Variants in PSMB7 observed in about 807,000 individuals in gnomAD.
PSMB7 encodes proteasome subunit beta type-7.
A neutral mutation model predicts 28.1 loss-of-function variants in PSMB7; 5 were observed. The observed-to-expected ratio is 0.18, with a 90% CI of 0.09 to 0.37. The LOEUF is 0.37. Among genes scored for constraint, PSMB7 ranks in the 10% least tolerant of loss-of-function variants. The pLI, the probability that PSMB7 is intolerant of heterozygous loss-of-function variation, is 1.00. For synonymous variants in PSMB7, 122 were observed against 123.7 expected, an observed-to-expected ratio of 0.99 and a Z score of 0.09; for missense variants, 275 against 346.2, an observed-to-expected ratio of 0.79 and a Z score of 1.63.
chr9:124,381,450 G>A (rs1322786329), intron 6 of PSMB7, among the ~76,000 whole-genome samples: 1 of 152,154 alleles, frequency 6.6e-6, no homozygotes, highest in Non-Finnish European at 1.5e-5. Flanking sequence ...TTACTGTCCT[G>A]GCAACCCATT....
intron 6 of PSMB7, among the ~76,000 whole-genome samples, chr9:124,382,151 G>A (rs1288903127): frequency 2.9e-5 from 4 of 138,214 alleles, no homozygotes; most frequent in South Asian, 5.2e-4. Context: ...TCATGCCACC[G>A]CACTCCAGCC....
intron 4 of PSMB7, among the ~76,000 whole-genome samples, chr9:124,405,776 A>C (rs1235788992): frequency 6.6e-6 from 1 of 152,076 alleles, no homozygotes; most frequent in African/African-American, 2.4e-5. Context: ...CAACCTCCCC[A>C]GGCTCAAGCA....
chr9:124,389,824 G>A (rs757644885), intron 5 of PSMB7, among the ~76,000 whole-genome samples: 2 of 152,094 alleles, frequency 1.3e-5, no homozygotes, highest in Non-Finnish European at 1.5e-5. Context: ...CATCTGCTGC[G>A]CCCCAGGAGA....
Position 124,353,681 on chromosome 9 carries a change from T to C in PSMB7, c.751A>G (p.Thr251Ala), listed in dbSNP as rs1438045307. The C allele has an allele frequency of 6.2e-7, 1 of 1,613,938 alleles. No individual in the cohort carries two copies. The highest frequency in any genetic ancestry group is 1.7e-4 in the Middle Eastern group (1 of 6,060). The change falls in exon 8 of 8, where the codon ACT becomes GCT. Residue 251 changes from threonine (T) to alanine (A), a missense_variant. Thr to Ala is a moderately conservative substitution (Grantham distance 58, BLOSUM62 0). Coordinates refer to ENST00000259457, the MANE Select transcript of PSMB7 (RefSeq NM_002799.4). ...RLGRYRCEKG[T>A]TAVLTEKITP... is the part of the protein sequence containing the mutation. Reference sequence around the variant, plus strand: ...ATTTTCTCAGTGAGGACTGCAGTAGTCCCTTTCTCACACCTGTACCGGCCA... The same window carrying C: ...ATTTTCTCAGTGAGGACTGCAGTAGCCCCTTTCTCACACCTGTACCGGCCA...
At chr9:124,382,276 C>T (rs1386736785) in intron 6 of PSMB7, among the ~76,000 whole-genome samples, 4 of 120,098 alleles carry the variant, frequency 3.3e-5, no homozygotes, top group African/African-American at 9.5e-5. Context: ...GGTATGATCT[C>T]GGCTCACTGC....
intron 5 of PSMB7, among the ~76,000 whole-genome samples, chr9:124,401,403 A>G (rs1418670545): frequency 6.6e-6 from 1 of 152,250 alleles, no homozygotes; most frequent in Non-Finnish European, 1.5e-5. Context: ...TCTCCCTCAC[A>G]AGACTATAGG....
intron 6 of PSMB7, among the ~76,000 whole-genome samples, chr9:124,373,675 A>G (rs1830583407): frequency 6.6e-6 from 1 of 152,214 alleles, no homozygotes; most frequent in South Asian, 2.1e-4. Context: ...ATAAGATACC[A>G]AGTCACACAC....
Position 124,405,401 on chromosome 9 carries a change from A to C in PSMB7, c.427T>G (p.Leu143Val). The C allele has an allele frequency of 1.2e-6, 2 of 1,613,434 alleles. No homozygotes were observed. The highest frequency in any genetic ancestry group is 1.7e-6 in the Non-Finnish European group (2 of 1,179,412). Reference protein sequence around the residue: ...YQGYIGAALVLGGVDVTGPHL... With the variant: ...YQGYIGAALVVGGVDVTGPHL... ...GGTCCAGTAACATCTACTCCCCCTA[A>C]AACTAGGGCTGCACCAATGTAACCT... Residue 143 changes from leucine to valine, a missense_variant, in exon 5 of 8, where the codon TTA becomes GTA. Leu to Val is a conservative substitution (Grantham distance 32). Around this residue, in one of 2 missense-constraint regions of PSMB7, gnomAD observed 213 missense variants for 302.4 expected, o/e 0.70. Transcript: ENST00000259457.
chr9:124,380,692 C>T (rs910105649), intron 6 of PSMB7, among the ~76,000 whole-genome samples: 17 of 152,108 alleles, frequency 1.1e-4, no homozygotes, highest in Non-Finnish European at 4.4e-5. Context: ...AAGGAGCCCT[C>T]GGGGGTAAAG....
chr9:124,407,874 T>C (rs549288296), intron 4 of PSMB7, among the ~76,000 whole-genome samples: 1 of 152,274 alleles, frequency 6.6e-6, no homozygotes, highest in Non-Finnish European at 1.5e-5. Context: ...AAGCCGAGTG[T>C]GGTGGCTCAC....
intron 4 of PSMB7, among the ~76,000 whole-genome samples, chr9:124,409,553 G>A (rs888108995): frequency 3.9e-5 from 6 of 152,128 alleles, no homozygotes. Context: ...TTTTCTCACT[G>A]ACTCACATAC....
intron 5 of PSMB7, among the ~76,000 whole-genome samples, chr9:124,400,472 T>C (rs17224330): frequency 0.035 from 5,284 of 152,284 alleles, 147 homozygotes; most frequent in Non-Finnish European, 0.054. Flanking sequence ...TCCGGAGAAT[T>C]CCACTGCCAT....
intron 6 of PSMB7, among the ~76,000 whole-genome samples, chr9:124,375,639 G>A (rs1041548161): frequency 3.9e-5 from 6 of 152,062 alleles, no homozygotes; most frequent in Non-Finnish European, 8.8e-5. Flanking sequence ...CTATTAAAGC[G>A]CCATAAGAAA....
At chr9:124,368,115 A>G (rs1830525339) in intron 6 of PSMB7, among the ~76,000 whole-genome samples, 1 of 152,214 alleles carries the variant, frequency 6.6e-6, no homozygotes, top group Admixed American at 6.5e-5. Context: ...TTCACCAAAA[A>G]TTATATTCTA....
chr9:124,414,118 A>C, intron 2 of PSMB7, 113 bp from the exon 3 acceptor site: 3 of 608,462 alleles, frequency 4.9e-6, no homozygotes, highest in East Asian at 2.9e-5. Context: ...CTAATCTCAA[A>C]ACGCCAGCCA....
At chr9:124,402,899 T>G (rs553049205) in intron 5 of PSMB7, among the ~76,000 whole-genome samples, 1 of 152,322 alleles carries the variant, frequency 6.6e-6, no homozygotes, top group East Asian at 1.9e-4. Context: ...TTCATCCGTA[T>G]GGTATCTGGG....
At chr9:124,372,949 C>T (rs559599664) in intron 6 of PSMB7, among the ~76,000 whole-genome samples, 1 of 152,324 alleles carries the variant, frequency 6.6e-6, no homozygotes, top group Non-Finnish European at 1.5e-5. Flanking sequence ...AAATTTATAT[C>T]TGCTCTGTAA....
intron 6 of PSMB7, among the ~76,000 whole-genome samples, chr9:124,378,460 T>C (rs1830635092): frequency 6.6e-6 from 1 of 152,322 alleles, no homozygotes; most frequent in Non-Finnish European, 1.5e-5. Flanking sequence ...CAGATGCTAA[T>C]TTGCAAGTCG....
intron 5 of PSMB7, among the ~76,000 whole-genome samples, chr9:124,390,882 G>A (rs905197939): frequency 5.3e-5 from 8 of 152,128 alleles, no homozygotes; most frequent in Admixed American, 1.3e-4. Context: ...TTGTATACAA[G>A]GGCCTAAAGG....
Sources: gnomAD v4.1 joint callset for allele counts (sites outside exome capture counted in the v4.1 genomes callset) on GRCh38, gnomAD v4.1.1 for gene constraint, gnomAD v4.1.1 regional missense constraint, MANE v1.5 for transcripts, NCBI Gene and HGNC (gene_info 2026-07-23, HGNC 2026-07-21) for gene names.